Variants in DEUP1 observed in about 807,000 individuals in gnomAD.
DEUP1 encodes coiled-coil domain containing 67.
In DEUP1, 82 loss-of-function variants were observed where a neutral mutation model predicts 87.4. The ratio of observed to expected loss-of-function variants is 0.94; its 90% CI spans 0.78 to 1.13. The LOEUF (loss-of-function observed/expected upper bound fraction) is 1.13. Ranked by LOEUF, DEUP1 falls within the 50% of genes most tolerant of loss-of-function variation. The pLI, the probability that DEUP1 is intolerant of heterozygous loss-of-function variation, is 0.00. For synonymous variants in DEUP1, 214 were observed against 222.7 expected (o/e 0.96, Z 0.35); for missense variants, 663 against 681.5 (o/e 0.97, Z 0.30).
At chr11:93,353,966 A>G (rs1944762363) in intron 2 of DEUP1, among the ~76,000 whole-genome samples, 1 of 152,216 alleles carries the variant, frequency 6.6e-6, no homozygotes, top group African/African-American at 2.4e-5. Flanking sequence ...GCTCCTTGCT[A>G]CTTATGCAAA....
chr11:93,408,626 T>C (rs1591240937), intron 12 of DEUP1, among the ~76,000 whole-genome samples, 199 bp downstream of exon 12: 1 of 152,028 alleles, frequency 6.6e-6, no homozygotes. Flanking sequence ...ATGCGTGGAG[T>C]GTTACAGTGG....
rs575187265 is a variant in DEUP1 at position 93,399,501 on chromosome 11, G to A, written c.1326+3176G>A. Among the ~76,000 whole-genome samples, 19 of 151,500 alleles carry A rather than the reference G, an allele frequency of 1.3e-4. No individual in the cohort carries two copies. The South Asian group carries it at 2.3e-3, about 18-fold the overall frequency. ...AGATCTTACCATTTTCTTTGTACAGGTTATGTCCTTTTCTTTTAAAATGTA... is the reference window on the plus strand; with the variant it reads ...AGATCTTACCATTTTCTTTGTACAGATTATGTCCTTTTCTTTTAAAATGTA... On this transcript the variant is annotated intron_variant, in intron 11 of 13. Transcript: ENST00000298050.
intron 5 of DEUP1, among the ~76,000 whole-genome samples, chr11:93,368,475 G>C (rs1945534356): frequency 6.6e-6 from 1 of 152,190 alleles, no homozygotes; most frequent in South Asian, 2.1e-4. Flanking sequence ...GGGAGGCCTT[G>C]GGAAACTTAG....
At chr11:93,367,761 T>C (rs926435394) in intron 5 of DEUP1, among the ~76,000 whole-genome samples, 1 of 152,348 alleles carries the variant, frequency 6.6e-6, no homozygotes, top group Non-Finnish European at 1.5e-5. Context: ...TGCAATAATA[T>C]ACAGCCATGG....
At chr11:93,344,324 C>T (rs189271765) in intron 2 of DEUP1, among the ~76,000 whole-genome samples, 1 of 151,936 alleles carries the variant, frequency 6.6e-6, no homozygotes, top group East Asian at 1.9e-4. Context: ...ATTAGTATAG[C>T]CTATTAACTA....
chr11:93,341,755 T>TTA (rs1423212941), intron 2 of DEUP1, among the ~76,000 whole-genome samples: 4 of 152,168 alleles, frequency 2.6e-5, no homozygotes, highest in African/African-American at 9.7e-5. Flanking sequence ...CCTATGGTTA[T>TTA]TATAATAAAT....
intron 7 of DEUP1, among the ~76,000 whole-genome samples, chr11:93,377,727 C>T (rs542898459): frequency 1.3e-5 from 2 of 152,114 alleles, no homozygotes; most frequent in South Asian, 2.1e-4. Context: ...ATGTATGCTT[C>T]AAGGAGGTTC....
chr11:93,358,305 C>T (rs971591397), intron 4 of DEUP1, among the ~76,000 whole-genome samples: 4 of 152,226 alleles, frequency 2.6e-5, no homozygotes, highest in East Asian at 3.9e-4. Context: ...GATGCTTTGC[C>T]GCTCTATTTT....
chr11:93,394,450 C>T lies in DEUP1; in HGVS notation c.1042-9C>T. 1.9e-6 allele frequency: 3 copies of T among 1,538,898 alleles called. No homozygotes were observed. The highest frequency in any genetic ancestry group is 2.6e-6 in the Non-Finnish European group (3 of 1,146,982). ...ATTCAATAATATTTCCAGTCTCTAT[C>T]TGCTGCAGATAAGAAGCCAACTCCA... On this transcript the variant is annotated splice_polypyrimidine_tract_variant and intron_variant, in intron 9 of 13. Coordinates refer to ENST00000298050, the MANE Select transcript of DEUP1 (RefSeq NM_181645.4).
chr11:93,433,430 G>C (rs753136311), intron 13 of DEUP1, among the ~76,000 whole-genome samples: 3 of 152,172 alleles, frequency 2.0e-5, no homozygotes, highest in African/African-American at 4.8e-5. Context: ...GAAGTGGGAG[G>C]ATCACTTGAG....
At chr11:93,404,594 G>A (rs1947214470) in intron 11 of DEUP1, among the ~76,000 whole-genome samples, 1 of 151,980 alleles carries the variant, frequency 6.6e-6, no homozygotes, top group Non-Finnish European at 1.5e-5. Context: ...AATTGTTACT[G>A]TTAAATATGC....
intron 7 of DEUP1, among the ~76,000 whole-genome samples, chr11:93,373,595 G>GTA (rs1262080448): frequency 1.8e-5 from 2 of 111,084 alleles, no homozygotes; most frequent in Admixed American, 9.2e-5. Context: ...ATATATATAC[G>GTA]TATATATATT....
At chr11:93,361,982 A>G (rs1043821954) in intron 4 of DEUP1, among the ~76,000 whole-genome samples, 1 of 152,186 alleles carries the variant, frequency 6.6e-6, no homozygotes, top group Non-Finnish European at 1.5e-5. Context: ...AGTCTCTTCT[A>G]CAAATGGTGC....
intron 8 of DEUP1, among the ~76,000 whole-genome samples, chr11:93,386,675 G>A (rs1032905486): frequency 6.6e-6 from 1 of 152,110 alleles, no homozygotes; most frequent in African/African-American, 2.4e-5. Context: ...ACCTATTTGT[G>A]TGTCTCACCA....
intron 11 of DEUP1, among the ~76,000 whole-genome samples, chr11:93,405,005 T>C (rs1355704208): frequency 6.6e-6 from 1 of 152,000 alleles, no homozygotes; most frequent in Non-Finnish European, 1.5e-5. Flanking sequence ...ATTTAGGAAA[T>C]TGCAGGGTTT....
In DEUP1 at chr11:93,406,095, A is replaced by G. The variant is rs1947268520; in HGVS notation, c.1327-2136A>G. Among the ~76,000 whole-genome samples, 4 of 151,898 alleles carry G rather than the reference A, an allele frequency of 2.6e-5. No individual in the cohort carries two copies. In the South Asian group the frequency reaches 8.3e-4, roughly 32 times the overall value. ...TTAAAATTCTGTGAAAAGTTTAGATACTCCCTAGGAAACTTCTTATGTTTA... is the reference window on the plus strand; with the variant it reads ...TTAAAATTCTGTGAAAAGTTTAGATGCTCCCTAGGAAACTTCTTATGTTTA... On this transcript the variant is annotated intron_variant, in intron 11 of 13. Coordinates refer to ENST00000298050, the MANE Select transcript of DEUP1 (RefSeq NM_181645.4).
chr11:93,339,348 G>T (rs1943942596), intron 2 of DEUP1, among the ~76,000 whole-genome samples: 1 of 152,148 alleles, frequency 6.6e-6, no homozygotes, highest in African/African-American at 2.4e-5. Context: ...ACAGCTAGGT[G>T]CACTATACAA....
rs183920407 is a variant in DEUP1, at chr11:93,393,342, A to G, written c.1042-1117A>G. On this transcript the variant is annotated intron_variant, in intron 9 of 13. Coordinates refer to ENST00000298050, the MANE Select transcript of DEUP1 (RefSeq NM_181645.4). The stretch of plus-strand genomic sequence containing the variant: ...ATTTTTTTTATTTTTATTTTTTGAG[A>G]CAGGGTTTTGAGACAGGGTCTTGCT... Among the ~76,000 whole-genome samples, 723 of 150,302 alleles carry G rather than the reference A, an allele frequency of 4.8e-3. 3 individuals are homozygous for G. The highest frequency in any genetic ancestry group is 0.017 in the African/African-American group (691 of 40,890).
chr11:93,341,306 T>A (rs77583202), intron 2 of DEUP1, among the ~76,000 whole-genome samples: 1,908 of 152,106 alleles, frequency 0.013, 21 homozygotes, highest in East Asian at 0.057. Flanking sequence ...GTAGTCCCAG[T>A]TACTCAGGAG....
Sources: gnomAD v4.1 joint callset for allele counts (sites outside exome capture counted in the v4.1 genomes callset) on GRCh38, gnomAD v4.1.1 for gene constraint, MANE v1.5 for transcripts, NCBI Gene and HGNC (gene_info 2026-07-23, HGNC 2026-07-21) for gene names.